Variants in PRKCH observed in about 807,000 individuals in gnomAD.
PRKCH encodes protein kinase C eta type.
Under a neutral mutation model 82.5 loss-of-function variants are expected in PRKCH, and 28 were observed. The observed-to-expected ratio is 0.34, with a 90% confidence interval of 0.25 to 0.47. The LOEUF is 0.47. Among genes scored for constraint, PRKCH ranks in the 20% least tolerant of loss-of-function variants. The probability of loss-of-function intolerance (pLI) is 1.00; values close to 1 mark genes in which losing one functional copy is unlikely to be tolerated. For missense variants in PRKCH, 705 were observed against 881.8 expected (o/e 0.80, Z 2.54); for synonymous variants, 322 against 327.4 (o/e 0.98, Z 0.18).
intron 9 of PRKCH, among the ~76,000 whole-genome samples, chr14:61,469,752 T>A (rs1194785093): frequency 6.6e-6 from 1 of 152,202 alleles, no homozygotes; most frequent in African/African-American, 2.4e-5. Context: ...CAGCATCTCA[T>A]GAGCAGAAAC....
At chr14:61,512,416 G>A (rs1398824980) in intron 10 of PRKCH, among the ~76,000 whole-genome samples, 1 of 151,992 alleles carries the variant, frequency 6.6e-6, no homozygotes, top group African/African-American at 2.4e-5. Flanking sequence ...AAAATGCAGA[G>A]GGAACCAGCC....
intron 1 of PRKCH, among the ~76,000 whole-genome samples, chr14:61,236,693 A>AG: frequency 7.5e-6 from 1 of 133,044 alleles, no homozygotes; most frequent in Non-Finnish European, 1.6e-5. Flanking sequence ...GGCGACAGAG[A>AG]AGACCCTGTC....
rs1336138277 is a variant in PRKCH at position 61,188,730 on chromosome 14, TGTGTGTGTGA to T, written c.-19+1063_-19+1072del. On this transcript the variant is annotated intron_variant, in intron 1 of 3. Coordinates refer to the PRKCH transcript ENST00000555185. ...GTGTGTGTGTGTGTGTGTGTGTGTGTGTGTGTGTGATGGAGTTTTGCTCTTGTTGCCCAGG... is the reference window on the plus strand; with the variant it reads ...GTGTGTGTGTGTGTGTGTGTGTGTGTTGGAGTTTTGCTCTTGTTGCCCAGG... 7.4e-5 allele frequency among the ~76,000 whole-genome samples: 11 copies of T among 147,746 alleles called. 1 individual carries two copies. The highest frequency in any genetic ancestry group is 2.2e-4 in the African/African-American group (9 of 40,200).
chr14:61,298,816 C>T (rs1433764027), intron 1 of PRKCH: 1 of 152,062 alleles, frequency 6.6e-6, no homozygotes. Context: ...TTCTTGCCTC[C>T]TCAGAAGAAA....
chr14:61,438,434 A>G (rs2140270620), intron 2 of PRKCH, among the ~76,000 whole-genome samples: 1 of 152,318 alleles, frequency 6.6e-6, no homozygotes, highest in East Asian at 1.9e-4. Context: ...CTCTGATTTA[A>G]TTTGCTTACA....
intron 12 of PRKCH, 42 bp downstream of exon 12, chr14:61,530,637 C>T: frequency 1.3e-6 from 2 of 1,538,884 alleles, no homozygotes; most frequent in Middle Eastern, 1.7e-4. Flanking sequence ...GTATTGCAAA[C>T]CAGCTTGTTT....
intron 12 of PRKCH, among the ~76,000 whole-genome samples, chr14:61,531,148 G>A (rs866614638): frequency 2.0e-5 from 3 of 152,350 alleles, no homozygotes; most frequent in African/African-American, 7.2e-5. Flanking sequence ...AATGGATCAT[G>A]TTGAGAAAGT....
intron 9 of PRKCH, among the ~76,000 whole-genome samples, chr14:61,479,109 T>A (rs1381214343): frequency 6.6e-6 from 1 of 152,086 alleles, no homozygotes; most frequent in African/African-American, 2.4e-5. Context: ...CCCTCCCTGA[T>A]CTCTTGTCTC....
At position 61,444,561 on chromosome 14, in the gene PRKCH, C is replaced by T. The variant is rs568660952; in HGVS notation, c.579-1131C>T. Among the ~76,000 whole-genome samples the T allele has an allele frequency of 5.9e-5, 9 of 152,200 alleles. No individual in the cohort carries two copies. The East Asian group carries it at 1.2e-3, about 20-fold the overall frequency. ...CTTTTTTCCACCAGAGAAACATTAACTGTACCCAACCAGCCTTTAACGCTC... is the reference window on the plus strand; with the variant it reads ...CTTTTTTCCACCAGAGAAACATTAATTGTACCCAACCAGCCTTTAACGCTC... On this transcript the variant is annotated intron_variant, in intron 3 of 13. Transcript: ENST00000332981.
chr14:61,518,435 C>CAAA (rs112769256), intron 10 of PRKCH, among the ~76,000 whole-genome samples: 2 of 127,502 alleles, frequency 1.6e-5, no homozygotes, highest in African/African-American at 5.4e-5. Flanking sequence ...ATGTGGAATG[C>CAAA]AAAAAAAAAA....
At chr14:61,188,416 C>T (rs1165590413) in intron 1 of PRKCH, among the ~76,000 whole-genome samples, 1 of 150,628 alleles carries the variant, frequency 6.6e-6, no homozygotes, top group Non-Finnish European at 1.5e-5. Flanking sequence ...AGTTCTGGCT[C>T]CGGCTCTGGC....
rs972093344 is a variant in PRKCH at position 61,202,218 on chromosome 14, G to A, written c.-19+14550G>A. 4.6e-5 allele frequency among the ~76,000 whole-genome samples: 7 copies of A among 152,194 alleles called. No homozygotes were observed. The South Asian group carries it at 1.0e-3, about 23-fold the overall frequency. ...TGTACCTATCTGAATGCTATTACACGCCCACCCATCCCAAGGTTCAGCCCA... is the reference window on the plus strand; with the variant it reads ...TGTACCTATCTGAATGCTATTACACACCCACCCATCCCAAGGTTCAGCCCA... On this transcript the variant is annotated intron_variant, in intron 1 of 3. Coordinates refer to the PRKCH transcript ENST00000555185.
At chr14:61,450,726 A>G in intron 5 of PRKCH, 116 bp from the exon 6 acceptor site, 4 of 1,226,600 alleles carry the variant, frequency 3.3e-6, no homozygotes, top group Non-Finnish European at 1.1e-6. Context: ...GTAAAATAAT[A>G]TACCTAGCTC....
intron 2 of PRKCH, among the ~76,000 whole-genome samples, chr14:61,431,496 C>T (rs966208498): frequency 6.6e-6 from 1 of 152,226 alleles, no homozygotes; most frequent in Non-Finnish European, 1.5e-5. Flanking sequence ...TCTACCTTAT[C>T]CTCTCTGGCC....
intron 1 of PRKCH, among the ~76,000 whole-genome samples, chr14:61,197,395 T>C (rs1276978346): frequency 6.6e-6 from 1 of 152,202 alleles, no homozygotes. Context: ...AGTACTAATT[T>C]GTTTCTTACA....
chr14:61,501,497 A>G (rs151096319), intron 10 of PRKCH, among the ~76,000 whole-genome samples: 1,524 of 151,762 alleles, frequency 0.01, 18 homozygotes, highest in Middle Eastern at 0.017. Flanking sequence ...ACGTTTCCTC[A>G]TTTGTCATGG....
chr14:61,475,753 T>C (rs1885702989), intron 9 of PRKCH, among the ~76,000 whole-genome samples: 1 of 152,238 alleles, frequency 6.6e-6, no homozygotes, highest in Non-Finnish European at 1.5e-5. Flanking sequence ...CTTTTTCCTT[T>C]CTGTTTTTAA....
intron 10 of PRKCH, among the ~76,000 whole-genome samples, chr14:61,507,538 C>G (rs1887202476): frequency 6.6e-6 from 1 of 152,102 alleles, no homozygotes. Flanking sequence ...ATCTAAATGT[C>G]CTTCTGCAGA....
chr14:61,529,594 T>C (rs565233546), intron 11 of PRKCH, among the ~76,000 whole-genome samples: 1 of 151,880 alleles, frequency 6.6e-6, no homozygotes, highest in Admixed American at 6.6e-5. Context: ...GGTGAGTTCA[T>C]GTCCTTTGTA....
Sources: gnomAD v4.1 joint callset for allele counts (sites outside exome capture counted in the v4.1 genomes callset) on GRCh38, gnomAD v4.1.1 for gene constraint, MANE v1.5 for transcripts, NCBI Gene and HGNC (gene_info 2026-07-23, HGNC 2026-07-21) for gene names.